The following NDRG3 variants were observed in gnomAD, a reference collection of about 807,000 sequenced individuals.
The protein encoded by NDRG3 is NDRG family member 3.
NDRG3 carries 23 observed loss-of-function variants against 57.2 expected under a neutral mutation model. That is an observed-to-expected ratio of 0.40 (90% CI 0.29 to 0.57). The LOEUF is 0.57. NDRG3 is among the 20% of genes least tolerant of loss of function. The pLI is 0.42. For synonymous variants in NDRG3, 132 were observed against 162.6 expected, an observed-to-expected ratio of 0.81 and a Z score of 1.43; for missense variants, 384 against 457.3, an observed-to-expected ratio of 0.84 and a Z score of 1.46.
chr20:36,734,839 T>C (rs766398671), intron 1 of NDRG3, among the ~76,000 whole-genome samples: 2 of 151,958 alleles, frequency 1.3e-5, no homozygotes, highest in East Asian at 3.9e-4. Flanking sequence ...TCACTCCCAA[T>C]TGAGAAGCAC....
At chr20:36,683,907 T>C (rs562523557) in intron 6 of NDRG3, among the ~76,000 whole-genome samples, 1 of 152,316 alleles carries the variant, frequency 6.6e-6, no homozygotes, top group East Asian at 1.9e-4. Context: ...GTTAATAGTT[T>C]AACTGTTCTC....
chr20:36,694,804 C>CTG (rs1600912586), intron 3 of NDRG3, among the ~76,000 whole-genome samples: 1 of 152,020 alleles, frequency 6.6e-6, no homozygotes, highest in African/African-American at 2.4e-5. Context: ...GTCACCCAGG[C>CTG]TGGAGTACAG....
At chr20:36,704,354 C>T (rs895699976) in intron 3 of NDRG3, among the ~76,000 whole-genome samples, 5 of 152,154 alleles carry the variant, frequency 3.3e-5, no homozygotes, top group Admixed American at 1.3e-4. Flanking sequence ...GGATTACAGG[C>T]GTTAGCCACC....
chr20:36,659,429 G>A (rs1026114458), intron 13 of NDRG3, among the ~76,000 whole-genome samples: 3 of 151,542 alleles, frequency 2.0e-5, no homozygotes, highest in African/African-American at 2.4e-5. Flanking sequence ...TGCCCAGCCC[G>A]TCTCTAATTT....
At chr20:36,668,309 T>C (rs1032083387) in intron 9 of NDRG3, among the ~76,000 whole-genome samples, 27 of 152,312 alleles carry the variant, frequency 1.8e-4, no homozygotes, top group Admixed American at 1.6e-3. Context: ...TAGATATTGT[T>C]CTACACTTGC....
intron 1 of NDRG3, among the ~76,000 whole-genome samples, chr20:36,724,937 A>G (rs1225327623): frequency 6.6e-6 from 1 of 151,528 alleles, no homozygotes; most frequent in Non-Finnish European, 1.5e-5. Flanking sequence ...TCAAAAATTT[A>G]AAAACAAAAC....
intron 3 of NDRG3, among the ~76,000 whole-genome samples, chr20:36,703,909 T>C (rs1276626145): frequency 1.3e-5 from 2 of 152,156 alleles, no homozygotes; most frequent in Admixed American, 6.5e-5. Flanking sequence ...TAAAACTCAA[T>C]TTCATATCTA....
At chr20:36,734,910 G>A (rs1347270824) in intron 1 of NDRG3, among the ~76,000 whole-genome samples, 1 of 152,096 alleles carries the variant, frequency 6.6e-6, no homozygotes, top group Non-Finnish European at 1.5e-5. Context: ...TGGGTGCTGG[G>A]AAGAAGTTTC....
At chr20:36,678,369 C>T (rs756285424) in intron 8 of NDRG3, among the ~76,000 whole-genome samples, 1 of 152,102 alleles carries the variant, frequency 6.6e-6, no homozygotes, top group Non-Finnish European at 1.5e-5. Context: ...CATCACTGCC[C>T]CTTAGGGAGA....
intron 1 of NDRG3, among the ~76,000 whole-genome samples, chr20:36,737,066 G>A (rs1280361438): frequency 1.3e-5 from 2 of 152,146 alleles, no homozygotes; most frequent in East Asian, 1.9e-4. Flanking sequence ...TAAATGAGAG[G>A]TTTGTAGAGA....
At chr20:36,661,385 C>G (rs1041808811) in intron 12 of NDRG3, among the ~76,000 whole-genome samples, 11 of 152,198 alleles carry the variant, frequency 7.2e-5, no homozygotes, top group Admixed American at 7.2e-4. Context: ...CTATTTTGAT[C>G]AACTGGATTT....
At chr20:36,716,279 T>C (rs112710510) in intron 2 of NDRG3, among the ~76,000 whole-genome samples, 6,640 of 152,140 alleles carry the variant, frequency 0.044, 232 homozygotes, top group Non-Finnish European at 0.075. Context: ...ATGCCTGTAA[T>C]CCCAGCACTT....
At chr20:36,712,591 T>A (rs868139798) in intron 2 of NDRG3, among the ~76,000 whole-genome samples, 120 of 51,154 alleles carry the variant, frequency 2.3e-3, no homozygotes, top group East Asian at 4.3e-3. Context: ...ATATATATTT[T>A]TTTTTTTTTT....
chr20:36,701,297 G>A (rs991339832), intron 3 of NDRG3, among the ~76,000 whole-genome samples: 1 of 152,054 alleles, frequency 6.6e-6, no homozygotes, highest in African/African-American at 2.4e-5. Flanking sequence ...AGCATTCTGG[G>A]AAGCCAAGGT....
At chr20:36,672,896 C>T (rs1980304870) in intron 8 of NDRG3, among the ~76,000 whole-genome samples, 1 of 152,070 alleles carries the variant, frequency 6.6e-6, no homozygotes, top group African/African-American at 2.4e-5. Flanking sequence ...CAGGGTCTCT[C>T]TCTGTCACCC....
intron 1 of NDRG3, among the ~76,000 whole-genome samples, chr20:36,728,338 C>T (rs1486475925): frequency 2.0e-5 from 3 of 152,194 alleles, no homozygotes; most frequent in African/African-American, 7.2e-5. Flanking sequence ...AGGCGTGAGC[C>T]ACTGCGCCCA....
chr20:36,653,329 A>G lies in NDRG3; in HGVS notation c.*191T>C. On this transcript the variant is annotated 3_prime_UTR_variant, in exon 16 of 16. Coordinates refer to ENST00000349004, the MANE Select transcript of NDRG3 (RefSeq NM_032013.4). This position sits in a 1 kb window ranked among gnomAD's most constrained non-coding sequence, Gnocchi z 4.2. ...TTGGAATGTTACAGTATGGCATGGA[A>G]GTGGTTCTTGGGCTATACAAAAAAG... 4 of 550,038 alleles carry G rather than the reference A, an allele frequency of 7.3e-6. No homozygotes were observed. The South Asian group carries it at 1.1e-4, about 14-fold the overall frequency. 34.1% of individuals were successfully genotyped at this position (550,038 alleles called of 1,614,324 possible).
At chr20:36,699,863 G>A (rs1983094379) in intron 3 of NDRG3, among the ~76,000 whole-genome samples, 1 of 151,976 alleles carries the variant, frequency 6.6e-6, no homozygotes, top group African/African-American at 2.4e-5. Flanking sequence ...GCTCACATTT[G>A]TAAAATCCCA....
At chr20:36,671,298 C>G in intron 9 of NDRG3, 43 bp downstream of exon 9, 1 of 1,511,846 alleles carries the variant, frequency 6.6e-7, no homozygotes, top group Middle Eastern at 1.7e-4. Context: ...AATTTGCATG[C>G]AAGCCAATAA....
Sources: allele counts gnomAD v4.1 joint callset (sites outside exome capture counted in the v4.1 genomes callset), GRCh38; gene constraint gnomAD v4.1.1; non-coding constraint Gnocchi (gnomAD v3.1); transcripts MANE v1.5; gene names NCBI Gene and HGNC (gene_info 2026-07-23, HGNC 2026-07-21).